AMZ1: variants seen among roughly 807,000 people sequenced by gnomAD.
The protein encoded by AMZ1 is archaelysin family metallopeptidase 1.
AMZ1 carries 39 observed loss-of-function variants against 29.9 expected under a neutral mutation model. The ratio of observed to expected loss-of-function variants is 1.30; its 90% CI spans 1.01 to 1.70. AMZ1 has a LOEUF of 1.70. AMZ1 is among the 40% of genes most tolerant of loss of function. The pLI, the probability that AMZ1 is intolerant of heterozygous loss-of-function variation, is 0.00. For missense variants in AMZ1, 1,041 were observed against 680.6 expected (o/e 1.53, Z -5.89); for synonymous variants, 458 against 304.0 (o/e 1.51, Z -5.27).
chr7:2,684,599 G>A (rs909921084), upstream of AMZ1, among the ~76,000 whole-genome samples: 2 of 152,224 alleles, frequency 1.3e-5, no homozygotes, highest in African/African-American at 4.8e-5. Context: ...CTCTGACGAG[G>A]TAGCTTCAAC....
chr7:2,708,460 G>T, intron 3 of AMZ1, 128 bp from the exon 4 acceptor site: 1 of 1,409,074 alleles, frequency 7.1e-7, no homozygotes, highest in Non-Finnish European at 9.6e-7. Flanking sequence ...AACGCTGGTG[G>T]CCCACACCTG....
At chr7:2,701,004 T>C (rs1788023361) in intron 2 of AMZ1, among the ~76,000 whole-genome samples, 1 of 152,156 alleles carries the variant, frequency 6.6e-6, no homozygotes. Context: ...TGTGGCCTCA[T>C]CCAGATGTGC....
At chr7:2,741,477 T>C (rs762817286) in intron 4 of AMZ1, among the ~76,000 whole-genome samples, 6 of 152,212 alleles carry the variant, frequency 3.9e-5, no homozygotes, top group Non-Finnish European at 8.8e-5. Context: ...ATGTCACAGT[T>C]GGACTGCCTG....
Position 2,733,537 on chromosome 7 carries a change from G to T in AMZ1, n.550+23721G>T, listed in dbSNP as rs117101662. On this transcript the variant is annotated intron_variant and non_coding_transcript_variant, in intron 4 of 4. Coordinates refer to the AMZ1 transcript ENST00000489665. ...GGAAGAATATTCACAGCTCAGTCTG[G>T]ACTGAGGAATCCTGATGTGGCAAAT... The T allele has an allele frequency of 7.9e-3, 12,245 of 1,552,748 alleles. 80 individuals are homozygous for T. Among genetic ancestry groups the T allele is most frequent in the Middle Eastern group, 0.036 (216 of 5,950 alleles).
In AMZ1 at chr7:2,702,719, C is replaced by A. The variant is rs369581593; in HGVS notation, c.305-3C>A. 6 of 1,531,446 alleles carry A rather than the reference C, an allele frequency of 3.9e-6. No individual in the cohort carries two copies. The African/African-American group carries it at 8.2e-5, about 21-fold the overall frequency. 94.9% of individuals were successfully genotyped at this position (1,531,446 alleles called of 1,614,324 possible). On this transcript the variant is annotated splice_region_variant and splice_polypyrimidine_tract_variant and intron_variant, in intron 2 of 6. Coordinates refer to ENST00000683327, the MANE Select transcript of AMZ1 (RefSeq NM_001384743.1). ...AGGGCTGACGGTGCTGCTCTCCCACCAGACCTGAGCGAGGAGCCGGTGGGA... is the reference window on the plus strand; with the variant it reads ...AGGGCTGACGGTGCTGCTCTCCCACAAGACCTGAGCGAGGAGCCGGTGGGA...
At chr7:2,725,023 C>G (rs929603516) in intron 4 of AMZ1, among the ~76,000 whole-genome samples, 1 of 152,168 alleles carries the variant, frequency 6.6e-6, no homozygotes, top group Non-Finnish European at 1.5e-5. Context: ...TCACCGCACA[C>G]AAACACTAAC....
At chr7:2,692,504 T>C (rs918051894) in intron 1 of AMZ1, among the ~76,000 whole-genome samples, 1 of 152,168 alleles carries the variant, frequency 6.6e-6, no homozygotes, top group Non-Finnish European at 1.5e-5. Flanking sequence ...ATTGTGCCAC[T>C]GCACTCCAGC....
chr7:2,704,885 T>A (rs1222105533), intron 3 of AMZ1, among the ~76,000 whole-genome samples: 1 of 152,274 alleles, frequency 6.6e-6, no homozygotes, highest in East Asian at 1.9e-4. Context: ...TGTGAGCCAC[T>A]GCGCCCGGCC....
At chr7:2,701,417 T>C (rs945150140) in intron 2 of AMZ1, among the ~76,000 whole-genome samples, 3 of 151,596 alleles carry the variant, frequency 2.0e-5, no homozygotes, top group African/African-American at 7.3e-5. Context: ...GATGCTATAG[T>C]GGGAGGGGCT....
At chr7:2,743,744 G>A (rs1245720426) in intron 4 of AMZ1, among the ~76,000 whole-genome samples, 4 of 152,198 alleles carry the variant, frequency 2.6e-5, no homozygotes, top group Non-Finnish European at 5.9e-5. Context: ...CTCGGGAAGC[G>A]CAAGGGGTCA....
upstream of AMZ1, among the ~76,000 whole-genome samples, chr7:2,685,761 G>A (rs1208404366): frequency 1.3e-5 from 2 of 151,040 alleles, no homozygotes; most frequent in African/African-American, 4.9e-5. Context: ...GCTGAGGCAG[G>A]AGAATGGTGT....
chr7:2,728,851 G>T, intron 4 of AMZ1: 1 of 152,454 alleles, frequency 6.6e-6, no homozygotes, highest in Non-Finnish European at 1.5e-5. Flanking sequence ...TGAGGAGGAG[G>T]AGGAGGAAGT....
intron 6 of AMZ1, among the ~76,000 whole-genome samples, 196 bp from the exon 7 acceptor site, chr7:2,712,134 C>T (rs1209335189): frequency 6.6e-6 from 1 of 152,190 alleles, no homozygotes; most frequent in Non-Finnish European, 1.5e-5. Context: ...GGGGTGGGTA[C>T]CTCTGACTCT....
rs906694115 is a variant in AMZ1, at chr7:2,716,947, C to T, written c.*4069C>T. 1.3e-5 allele frequency among the ~76,000 whole-genome samples: 2 copies of T among 152,184 alleles called. No individual in the cohort carries two copies. Among genetic ancestry groups the T allele is most frequent in the East Asian group, 1.9e-4 (1 of 5,190 alleles). On this transcript the variant is annotated 3_prime_UTR_variant, in exon 7 of 7. Transcript: ENST00000683327. ...GCGCAGTCTGTTCTTGCTTGAACCC[C>T]GAGTTCTCCCGCTGTTGTGCAGCTT...
rs762758736 is a variant in AMZ1, at chr7:2,715,577, TAAA to T, written c.*2705_*2707del. On this transcript the variant is annotated 3_prime_UTR_variant, in exon 7 of 7. Coordinates refer to ENST00000683327, the MANE Select transcript of AMZ1 (RefSeq NM_001384743.1). ...TTTGAAGTGGGAAGGAGCAAACCACTAAAAAAAACTCCTTTTATCCGCAGCGTT... is the reference window on the plus strand; with the variant it reads ...TTTGAAGTGGGAAGGAGCAAACCACTAAAAACTCCTTTTATCCGCAGCGTT... 5 of 152,066 alleles carry T rather than the reference TAAA, an allele frequency of 3.3e-5. No individual in the cohort carries two copies. Among genetic ancestry groups the T allele is most frequent in the Non-Finnish European group, 5.9e-5 (4 of 67,996 alleles). 9.4% of individuals were successfully genotyped at this position (152,066 alleles called of 1,614,324 possible).
chr7:2,723,871 C>A (rs1473276145), downstream of AMZ1, among the ~76,000 whole-genome samples: 2 of 152,210 alleles, frequency 1.3e-5, no homozygotes, highest in East Asian at 3.8e-4. Flanking sequence ...ACCCCTACAT[C>A]TGTCTCTGCG....
upstream of AMZ1, among the ~76,000 whole-genome samples, chr7:2,685,027 G>A (rs367873476): frequency 6.6e-5 from 10 of 151,688 alleles, no homozygotes; most frequent in East Asian, 5.9e-4. Flanking sequence ...CCGCCACCAC[G>A]CCCGGCTAAT....
At chr7:2,762,820 G>A (rs572429491), upstream of AMZ1, 9 of 1,523,446 alleles carry the variant, frequency 5.9e-6, no homozygotes, top group East Asian at 2.5e-5. Context: ...CCTCCCATCC[G>A]CCACACACCC....
chr7:2,710,650 G>T (rs1443447587), intron 6 of AMZ1, among the ~76,000 whole-genome samples: 1 of 152,216 alleles, frequency 6.6e-6, no homozygotes, highest in African/African-American at 2.4e-5. Context: ...GGCATTTCTA[G>T]CTCACAGTGC....
Sources: allele counts gnomAD v4.1 joint callset (sites outside exome capture counted in the v4.1 genomes callset), GRCh38; gene constraint gnomAD v4.1.1; transcripts MANE v1.5; gene names NCBI Gene and HGNC (gene_info 2026-07-23, HGNC 2026-07-21).